The following RTN3 variants were observed in gnomAD, a reference collection of about 807,000 sequenced individuals.
RTN3 encodes reticulon-3.
RTN3 carries 49 observed loss-of-function variants against 77.8 expected under a neutral mutation model. The ratio of observed to expected loss-of-function variants is 0.63; its 90% CI spans 0.50 to 0.80. RTN3 has a LOEUF of 0.80. Ranked by LOEUF, RTN3 falls within the 30% of genes least tolerant of loss-of-function variation. RTN3 has a pLI of 0.00. For synonymous variants in RTN3, 464 were observed against 446.9 expected (o/e 1.04, Z -0.48); for missense variants, 1,236 against 1,211.9 (o/e 1.02, Z -0.29).
chr11:63,682,287 A>G (rs561424663), intron 1 of RTN3, among the ~76,000 whole-genome samples: 2 of 152,276 alleles, frequency 1.3e-5, no homozygotes, highest in Admixed American at 1.3e-4. Context: ...TGCCCATGGG[A>G]AGGATGAGGA....
At chr11:63,741,114 A>G (rs1045285049) in intron 3 of RTN3, among the ~76,000 whole-genome samples, 2 of 152,198 alleles carry the variant, frequency 1.3e-5, no homozygotes, top group Non-Finnish European at 2.9e-5. Flanking sequence ...AAAGTATTTT[A>G]CTAGGTAGGG....
chr11:63,709,628 G>A (rs1253844923), intron 2 of RTN3, among the ~76,000 whole-genome samples: 2 of 151,408 alleles, frequency 1.3e-5, no homozygotes, highest in Admixed American at 6.6e-5. Flanking sequence ...CAAAAGAGAC[G>A]TTTTGTTTAG....
At chr11:63,734,312 G>A (rs1773653766) in intron 3 of RTN3, among the ~76,000 whole-genome samples, 1 of 151,888 alleles carries the variant, frequency 6.6e-6, no homozygotes, top group African/African-American at 2.4e-5. Context: ...GCCAGGTGTG[G>A]TGGTGCACAC....
At chr11:63,752,961 A>C (rs1388285106) in intron 5 of RTN3, 108 bp from the exon 6 acceptor site, 1 of 1,064,010 alleles carries the variant, frequency 9.4e-7, no homozygotes. Flanking sequence ...TCCATGTCAC[A>C]CATCACTAAA....
rs76124232 is a variant in RTN3 at position 63,698,645 on chromosome 11, C to T, written c.143-6206C>T. 2.6e-3 allele frequency: 464 copies of T among 177,008 alleles called. 2 individuals carry two copies. Among genetic ancestry groups the T allele is most frequent in the African/African-American group, 0.011 (451 of 41,830 alleles). 11.0% of individuals were successfully genotyped at this position (177,008 alleles called of 1,614,324 possible). ...ATCTCAGCATACCTGGGAAACTTAA[C>T]ATGATCTAAGATCACTGAGGAACCA... On this transcript the variant is annotated intron_variant, in intron 1 of 8. Coordinates refer to ENST00000377819, the MANE Select transcript of RTN3 (RefSeq NM_001265589.2).
chr11:63,748,985 A>G (rs2013958521), intron 3 of RTN3, among the ~76,000 whole-genome samples: 2 of 151,988 alleles, frequency 1.3e-5, no homozygotes, highest in South Asian at 4.2e-4. Flanking sequence ...ACTTTTTTTA[A>G]GAGTACTGCA....
chr11:63,751,361 G>A (rs537215505), intron 4 of RTN3, among the ~76,000 whole-genome samples: 6 of 152,186 alleles, frequency 3.9e-5, no homozygotes, highest in East Asian at 1.9e-4. Context: ...GATTTCCTCC[G>A]TATCTCTTAC....
intron 3 of RTN3, among the ~76,000 whole-genome samples, chr11:63,731,277 A>G (rs1386740946): frequency 2.0e-5 from 3 of 152,088 alleles, no homozygotes; most frequent in African/African-American, 4.8e-5. Context: ...ACAGGGTTTC[A>G]CCATGTTTGC....
chr11:63,698,601 TG>T (rs1393570099), intron 1 of RTN3: 1 of 167,564 alleles, frequency 6.0e-6, no homozygotes, highest in Non-Finnish European at 1.5e-5. Flanking sequence ...TCATGCCATC[TG>T]GTAAGATCAA....
At chr11:63,744,607 A>G (rs543068448) in intron 3 of RTN3, among the ~76,000 whole-genome samples, 33 of 152,218 alleles carry the variant, frequency 2.2e-4, no homozygotes, top group Non-Finnish European at 4.3e-4. Context: ...GACTACAGTC[A>G]TATATGTGGT....
intron 5 of RTN3, among the ~76,000 whole-genome samples, 165 bp from the exon 6 acceptor site, chr11:63,752,904 T>G (rs2014180298): frequency 6.6e-6 from 1 of 152,216 alleles, no homozygotes; most frequent in African/African-American, 2.4e-5. Flanking sequence ...TTCACTCACA[T>G]ACCTTCAAAT....
intron 3 of RTN3, among the ~76,000 whole-genome samples, chr11:63,741,233 G>A (rs1214148610): frequency 2.0e-5 from 3 of 149,044 alleles, no homozygotes; most frequent in African/African-American, 5.0e-5. Context: ...ATGGAGTTTC[G>A]CTCTTGTCGC....
At chr11:63,745,430 AAG>A (rs1428033287) in intron 3 of RTN3, among the ~76,000 whole-genome samples, 1 of 152,232 alleles carries the variant, frequency 6.6e-6, no homozygotes, top group African/African-American at 2.4e-5. Context: ...GAAAGTGATG[AAG>A]GCAGGGGCTG....
chr11:63,736,562 C>G (rs1037141623), intron 3 of RTN3, among the ~76,000 whole-genome samples: 3 of 152,090 alleles, frequency 2.0e-5, no homozygotes, highest in African/African-American at 7.2e-5. Flanking sequence ...GTGGCACACA[C>G]CTGTAGTCCC....
chr11:63,756,210 T>C, intron 8 of RTN3, 40 bp downstream of exon 8: 2 of 1,357,146 alleles, frequency 1.5e-6, no homozygotes, highest in Non-Finnish European at 2.1e-6. Flanking sequence ...GAGGTATGCT[T>C]CCTTCCCCCC....
At chr11:63,723,000 GA>G (rs2011929889) in intron 3 of RTN3, among the ~76,000 whole-genome samples, 1 of 152,204 alleles carries the variant, frequency 6.6e-6, no homozygotes. Context: ...GACCTTAGAT[GA>G]CTAGTCTAAT....
At chr11:63,725,939 C>G (rs1467849781) in intron 3 of RTN3, among the ~76,000 whole-genome samples, 1 of 152,076 alleles carries the variant, frequency 6.6e-6, no homozygotes, top group Non-Finnish European at 1.5e-5. Context: ...TTGTTCAGCA[C>G]CCAGCAGATG....
intron 1 of RTN3, among the ~76,000 whole-genome samples, chr11:63,684,628 A>C (rs10897442): frequency 6.6e-6 from 1 of 152,020 alleles, no homozygotes; most frequent in Non-Finnish European, 1.5e-5. Flanking sequence ...TTATTACAGA[A>C]TTTGTATTTC....
intron 3 of RTN3, among the ~76,000 whole-genome samples, chr11:63,722,265 A>G (rs2011874658): frequency 6.6e-6 from 1 of 152,176 alleles, no homozygotes; most frequent in Non-Finnish European, 1.5e-5. Context: ...GAAATCATAC[A>G]CAGAGTTGTA....
Sources: gnomAD v4.1 joint callset for allele counts (sites outside exome capture counted in the v4.1 genomes callset) on GRCh38, gnomAD v4.1.1 for gene constraint, MANE v1.5 for transcripts, NCBI Gene and HGNC (gene_info 2026-07-23, HGNC 2026-07-21) for gene names.